APBA2: variants seen among roughly 807,000 people sequenced by gnomAD.
APBA2 encodes the protein amyloid beta precursor protein binding family A member 2.
Under a neutral mutation model 75.0 loss-of-function variants are expected in APBA2, and 30 were observed. The ratio of observed to expected loss-of-function variants is 0.40; its 90% CI spans 0.30 to 0.54. The LOEUF is 0.54. APBA2 is among the 20% of genes least tolerant of loss of function. APBA2 has a pLI of 0.49. For synonymous variants in APBA2, 444 were observed against 409.6 expected, an observed-to-expected ratio of 1.08 and a Z score of -1.01; for missense variants, 801 against 1,016.1, an observed-to-expected ratio of 0.79 and a Z score of 2.88.
At chr15:29,032,452 C>T (rs1254663826) in intron 3 of APBA2, among the ~76,000 whole-genome samples, 1 of 152,254 alleles carries the variant, frequency 6.6e-6, no homozygotes, top group African/African-American at 2.4e-5. Flanking sequence ...GAGTTCCCAG[C>T]CTGCCGGCCT....
intron 2 of APBA2, among the ~76,000 whole-genome samples, chr15:28,982,991 G>T (rs376823677): frequency 6.6e-6 from 1 of 152,200 alleles, no homozygotes; most frequent in Non-Finnish European, 1.5e-5. Flanking sequence ...TGGCACCTAC[G>T]GAGGCCACAA....
At chr15:28,930,204 G>T (rs1230073039) in intron 2 of APBA2, among the ~76,000 whole-genome samples, 1 of 152,152 alleles carries the variant, frequency 6.6e-6, no homozygotes, top group Non-Finnish European at 1.5e-5. Flanking sequence ...CCCTGCTGCT[G>T]CTAGGGCTGT....
chr15:28,948,144 A>G (rs2035649302), intron 2 of APBA2, among the ~76,000 whole-genome samples: 1 of 152,220 alleles, frequency 6.6e-6, no homozygotes, highest in South Asian at 2.1e-4. Context: ...TGGTTTCATT[A>G]GATGTTCAGA....
chr15:29,066,297 G>A (rs771369344), intron 4 of APBA2, among the ~76,000 whole-genome samples: 47 of 152,104 alleles, frequency 3.1e-4, no homozygotes, highest in Non-Finnish European at 5.9e-4. Flanking sequence ...GCTGCATTGC[G>A]GCCTTGTATT....
chr15:29,039,100 TGTGTGTG>T lies in APBA2; in HGVS notation c.-40-14744_-40-14738del, dbSNP rs1566934661. On this transcript the variant is annotated intron_variant, in intron 3 of 14. Coordinates refer to ENST00000683413, the MANE Select transcript of APBA2 (RefSeq NM_001353788.2). ...GCCTTATTTCAGCTGTATGTCAGGG[TGTGTGTG>T]TGTGTGTGTGTGTGTGTGTGTGTGT... 2.5e-3 allele frequency among the ~76,000 whole-genome samples: 66 copies of T among 25,998 alleles called. No individual in the cohort carries two copies. The African/African-American group carries it at 0.029, about 11-fold the overall frequency. 17.1% of individuals were successfully genotyped at this position (25,998 alleles called of 152,430 possible). A position where few individuals can be genotyped will look rare whatever the true frequency, so the allele number is the denominator to read the frequency against.
At chr15:28,969,170 T>G (rs958756642) in intron 2 of APBA2, among the ~76,000 whole-genome samples, 1 of 119,076 alleles carries the variant, frequency 8.4e-6, no homozygotes, top group Non-Finnish European at 1.5e-5. Context: ...CTTTCTTTCT[T>G]TCTTTCTTTC....
At chr15:28,912,029 A>G (rs1451670201) in intron 1 of APBA2, among the ~76,000 whole-genome samples, 1 of 152,048 alleles carries the variant, frequency 6.6e-6, no homozygotes, top group Non-Finnish European at 1.5e-5. Flanking sequence ...TCACTTTTTC[A>G]TTTTTATTTA....
intron 4 of APBA2, among the ~76,000 whole-genome samples, chr15:29,068,828 C>G (rs997401163): frequency 5.9e-5 from 9 of 152,192 alleles, no homozygotes; most frequent in African/African-American, 1.9e-4. Flanking sequence ...AGAGGGCTCT[C>G]TTTACTCTTG....
At chr15:29,021,276 C>A (rs1197190546) in intron 3 of APBA2, among the ~76,000 whole-genome samples, 1 of 152,090 alleles carries the variant, frequency 6.6e-6, no homozygotes, top group Non-Finnish European at 1.5e-5. Flanking sequence ...TGCCTGTAAT[C>A]CCAGCACTTT....
At chr15:29,107,484 G>A (rs1281634221) in intron 12 of APBA2, among the ~76,000 whole-genome samples, 8 of 152,194 alleles carry the variant, frequency 5.3e-5, no homozygotes, top group Non-Finnish European at 1.5e-5. Context: ...CCCTGCTGTG[G>A]TCTTGGTGCT....
intron 2 of APBA2, among the ~76,000 whole-genome samples, chr15:28,951,271 G>A (rs118041414): frequency 1.3e-3 from 192 of 152,320 alleles, no homozygotes; most frequent in Non-Finnish European, 2.2e-3. Flanking sequence ...AGGGACTTGA[G>A]CATTGAGGAT....
intron 14 of APBA2, among the ~76,000 whole-genome samples, chr15:29,115,016 G>T (rs1407443612): frequency 6.6e-6 from 1 of 151,788 alleles, no homozygotes; most frequent in East Asian, 1.9e-4. Flanking sequence ...CTGTGTGTGT[G>T]TAGGGGTGTG....
In APBA2 at chr15:29,106,683, CGGTGATCCTGGCCAACATGATGAAT is replaced by C; in HGVS notation, c.1784_1808del (p.Val595AlafsTer10). On this transcript the variant is annotated frameshift_variant, in exon 12 of 15. Transcript: ENST00000683413. LOFTEE classifies it high-confidence loss of function. ...TCGGGCTGGGGCTCCATCCTGCCCA[CGGTGATCCTGGCCAACATGATGAAT>C]GGCGGCCCGGCTGCCCGCTCGGGGA... The C allele has an allele frequency of 6.2e-7, 1 of 1,613,046 alleles. No individual in the cohort carries two copies. The highest frequency in any genetic ancestry group is 8.5e-7 in the Non-Finnish European group (1 of 1,179,996).
chr15:28,971,371 T>C (rs2037059114), intron 2 of APBA2, among the ~76,000 whole-genome samples: 1 of 152,186 alleles, frequency 6.6e-6, no homozygotes, highest in Non-Finnish European at 1.5e-5. Flanking sequence ...GGACAATTAA[T>C]GTAGCAAACC....
chr15:29,026,421 T>C (rs1391716805), intron 3 of APBA2, among the ~76,000 whole-genome samples: 1 of 152,224 alleles, frequency 6.6e-6, no homozygotes, highest in African/African-American at 2.4e-5. Flanking sequence ...GCTAGTTCTT[T>C]GGCACCATGT....
intron 13 of APBA2, among the ~76,000 whole-genome samples, chr15:29,111,509 C>A (rs2044728680): frequency 6.6e-6 from 1 of 152,146 alleles, no homozygotes; most frequent in South Asian, 2.1e-4. Flanking sequence ...TATGATCCAT[C>A]TCCCCAGTGA....
In APBA2 at chr15:29,117,797, AAT is replaced by A. The variant is rs2152991402; in HGVS notation, c.*665_*666del. 1 of 152,562 alleles carries A rather than the reference AAT, an allele frequency of 6.6e-6. No homozygotes were observed. The highest frequency in any genetic ancestry group is 2.4e-5 in the African/African-American group (1 of 41,470). The allele number at this position is 152,562 out of a possible 1,614,324, so 9.5% of individuals were successfully genotyped here. A position where few individuals can be genotyped will look rare whatever the true frequency, so the allele number is the denominator to read the frequency against. On this transcript the variant is annotated 3_prime_UTR_variant, in exon 15 of 15. Transcript: ENST00000683413. ...TTTTTTCCAGACTCTAGGGTTTTCC[AAT>A]GTGACTAATGACCACACCTGCCTCT...
intron 3 of APBA2, among the ~76,000 whole-genome samples, chr15:29,035,403 A>G (rs2040695719): frequency 6.9e-6 from 1 of 144,012 alleles, no homozygotes; most frequent in African/African-American, 2.8e-5. Flanking sequence ...ATCGACTACT[A>G]TCTCAGGTAG....
chr15:28,935,190 C>T lies in APBA2; in HGVS notation c.-95+13441C>T, dbSNP rs375185475. On this transcript the variant is annotated intron_variant, in intron 2 of 14. Transcript: ENST00000683413. Reference sequence around the variant, plus strand: ...GGTTGATACTCCCTAAATCACAGGTCGCCTTAAAGAGAGCAAGAGCCCTGC... The same window carrying T: ...GGTTGATACTCCCTAAATCACAGGTTGCCTTAAAGAGAGCAAGAGCCCTGC... 5.3e-5 allele frequency among the ~76,000 whole-genome samples: 8 copies of T among 152,318 alleles called. No individual in the cohort carries two copies. In the East Asian group the frequency reaches 9.6e-4, roughly 18 times the overall value.
Sources: allele counts gnomAD v4.1 joint callset (sites outside exome capture counted in the v4.1 genomes callset), GRCh38; gene constraint gnomAD v4.1.1; transcripts MANE v1.5; gene names NCBI Gene and HGNC (gene_info 2026-07-23, HGNC 2026-07-21).